ASTN2: variants seen among roughly 807,000 people sequenced by gnomAD.
The protein encoded by ASTN2 is astrotactin-2.
In ASTN2, 54 loss-of-function variants were observed where a neutral mutation model predicts 139.8. The observed-to-expected ratio is 0.39, with a 90% CI of 0.31 to 0.48. ASTN2 has a LOEUF of 0.48. Ranked by LOEUF, ASTN2 falls within the 20% of genes least tolerant of loss-of-function variation. The probability of loss-of-function intolerance (pLI) is 0.95; values close to 1 mark genes in which losing one functional copy is unlikely to be tolerated. For synonymous variants in ASTN2, 756 were observed against 719.5 expected, an observed-to-expected ratio of 1.05 and a Z score of -0.81; for missense variants, 1,565 against 1,725.1, an observed-to-expected ratio of 0.91 and a Z score of 1.64.
chr9:116,455,265 C>A (rs148377742), intron 20 of ASTN2, among the ~76,000 whole-genome samples: 2,433 of 150,664 alleles, frequency 0.016, 73 homozygotes, highest in African/African-American at 0.056. Flanking sequence ...AGGAGAATTG[C>A]TTGAACCTGG....
intron 5 of ASTN2, among the ~76,000 whole-genome samples, chr9:117,063,973 C>G (rs1304701073): frequency 1.3e-5 from 2 of 151,976 alleles, no homozygotes; most frequent in Non-Finnish European, 2.9e-5. Flanking sequence ...ACAGCTTTCT[C>G]TTTTGGATAC....
At chr9:116,731,660 G>A (rs1828788369) in intron 14 of ASTN2, among the ~76,000 whole-genome samples, 1 of 152,166 alleles carries the variant, frequency 6.6e-6, no homozygotes, top group African/African-American at 2.4e-5. Context: ...CTGACCTCAG[G>A]TGATCAACCT....
intron 1 of ASTN2, among the ~76,000 whole-genome samples, chr9:117,313,823 T>A (rs1202595805): frequency 6.6e-6 from 1 of 152,154 alleles, no homozygotes; most frequent in African/African-American, 2.4e-5. Context: ...CAAGGAAAAT[T>A]GAAAAAGCTA....
chr9:117,291,473 C>A lies in ASTN2; in HGVS notation c.483G>T (p.Trp161Cys). 6.2e-7 allele frequency: 1 copy of A among 1,613,376 alleles called. No homozygotes were observed. Among genetic ancestry groups the A allele is most frequent in the Non-Finnish European group, 8.5e-7 (1 of 1,179,654 alleles). Residue 161 changes from tryptophan (W) to cysteine (C), a missense_variant, in exon 2 of 23, where the codon TGG becomes TGT. Physicochemically the swap from Trp to Cys is radical, Grantham distance 215. Coordinates refer to ENST00000313400, the MANE Select transcript of ASTN2 (RefSeq NM_001365068.1). ...TGCCATTCTCCAGCCACTGCTGTCT[C>A]CAGTGCACCAGCGAGATGTCCGCTG... ...GTAADISLVH[W>C]RQQWLENGTL... is the part of the protein sequence containing the mutation.
chr9:117,146,508 A>C (rs1830200777), intron 3 of ASTN2, among the ~76,000 whole-genome samples: 2 of 151,886 alleles, frequency 1.3e-5, no homozygotes, highest in African/African-American at 4.8e-5. Flanking sequence ...TAAAAGAGAT[A>C]ACTGTGCTCA....
chr9:116,863,070 G>A (rs1832931368), intron 11 of ASTN2, among the ~76,000 whole-genome samples: 1 of 151,830 alleles, frequency 6.6e-6, no homozygotes, highest in Non-Finnish European at 1.5e-5. Flanking sequence ...GTCTTTGCTT[G>A]GCTGTCTCCG....
chr9:117,147,448 C>CACACACAT (rs1295681433), intron 3 of ASTN2, among the ~76,000 whole-genome samples: 2 of 150,782 alleles, frequency 1.3e-5, no homozygotes, highest in African/African-American at 4.9e-5. Context: ...AACACACACA[C>CACACACAT]ACACACACAC....
intron 19 of ASTN2, among the ~76,000 whole-genome samples, chr9:116,615,047 A>G (rs1291319296): frequency 6.6e-6 from 1 of 152,216 alleles, no homozygotes; most frequent in East Asian, 1.9e-4. Context: ...AAACAAACAC[A>G]TCAAAAAGTG....
intron 5 of ASTN2, among the ~76,000 whole-genome samples, chr9:117,054,190 C>T (rs747042554): frequency 2.0e-5 from 3 of 152,156 alleles, no homozygotes; most frequent in Non-Finnish European, 4.4e-5. Flanking sequence ...CAATGGCAGT[C>T]TTAGCCCAAG....
At chr9:116,803,967 C>T (rs922092889) in intron 13 of ASTN2, among the ~76,000 whole-genome samples, 23 of 152,006 alleles carry the variant, frequency 1.5e-4, no homozygotes, top group East Asian at 7.8e-4. Context: ...ATGCCTGGCT[C>T]GGAGCTTTTC....
intron 4 of ASTN2, among the ~76,000 whole-genome samples, chr9:117,103,479 A>T (rs1829030854): frequency 6.6e-6 from 1 of 152,264 alleles, no homozygotes; most frequent in Non-Finnish European, 1.5e-5. Context: ...CATGTTATGG[A>T]AAAGTATGGA....
chr9:117,326,627 G>T (rs1169919832), intron 1 of ASTN2, among the ~76,000 whole-genome samples: 4 of 152,170 alleles, frequency 2.6e-5, no homozygotes, highest in Non-Finnish European at 4.4e-5. Context: ...AGAATCAGGA[G>T]CACCCACTTC....
intron 16 of ASTN2, chr9:116,686,876 G>C (rs1588198123): frequency 1.3e-6 from 2 of 1,535,758 alleles, no homozygotes; most frequent in East Asian, 2.5e-5. Flanking sequence ...GCCCTTCCTA[G>C]GGAGTCCCGG....
At chr9:116,884,812 C>CCG (rs1554756751) in intron 10 of ASTN2, among the ~76,000 whole-genome samples, 2 of 122,532 alleles carry the variant, frequency 1.6e-5, no homozygotes, top group Non-Finnish European at 3.4e-5. Flanking sequence ...CGCCCCCCCC[C>CCG]CACCCACTTT....
intron 20 of ASTN2, among the ~76,000 whole-genome samples, chr9:116,463,750 A>G (rs947265925): frequency 2.6e-5 from 4 of 152,020 alleles, no homozygotes; most frequent in African/African-American, 9.7e-5. Context: ...TTCCTACTCT[A>G]TCTTCTCCAC....
In ASTN2 at chr9:116,632,211, A is replaced by G. The variant is rs1433503332; in HGVS notation, c.3073-11768T>C. On this transcript the variant is annotated intron_variant, in intron 17 of 22. Transcript: ENST00000313400. ...GAGAGAGAGAGAAAGAAAGAAAAGA[A>G]AGAAAGAAAGAAAGAAAGAAAGAAA... 5.8e-3 allele frequency among the ~76,000 whole-genome samples: 686 copies of G among 119,062 alleles called. 14 individuals carry two copies. Among genetic ancestry groups the G allele is most frequent in the East Asian group, 0.013 (46 of 3,572 alleles). 78.1% of individuals were successfully genotyped at this position (119,062 alleles called of 152,430 possible). A position where few individuals can be genotyped will look rare whatever the true frequency, so the allele number is the denominator to read the frequency against.
chr9:116,914,035 A>G (rs1050485019), intron 10 of ASTN2, among the ~76,000 whole-genome samples: 4 of 148,086 alleles, frequency 2.7e-5, no homozygotes, highest in Non-Finnish European at 5.9e-5. Context: ...TAGAGAGAAC[A>G]GCATATGCAG....
intron 1 of ASTN2, among the ~76,000 whole-genome samples, chr9:117,307,681 C>T (rs1022690635): frequency 2.6e-5 from 4 of 152,206 alleles, no homozygotes; most frequent in Non-Finnish European, 4.4e-5. Context: ...CATGGGCAGA[C>T]ATATGCATAT....
At chr9:117,289,907 T>G (rs2130781447) in intron 2 of ASTN2, among the ~76,000 whole-genome samples, 1 of 152,348 alleles carries the variant, frequency 6.6e-6, no homozygotes, top group Non-Finnish European at 1.5e-5. Context: ...GCTGTCTGGC[T>G]GGGGAGTGTA....
Sources: gnomAD v4.1 joint callset for allele counts (sites outside exome capture counted in the v4.1 genomes callset) on GRCh38, gnomAD v4.1.1 for gene constraint, MANE v1.5 for transcripts, NCBI Gene and HGNC (gene_info 2026-07-23, HGNC 2026-07-21) for gene names.